The following VPS37A variants were observed in gnomAD, a reference collection of about 807,000 sequenced individuals.
VPS37A encodes vacuolar protein sorting-associated protein 37A.
In VPS37A, 30 loss-of-function variants were observed where a neutral mutation model predicts 49.8. The observed-to-expected ratio is 0.60, with a 90% confidence interval of 0.45 to 0.82. The LOEUF is 0.82. Ranked by LOEUF, VPS37A falls within the 40% of genes least tolerant of loss-of-function variation. VPS37A has a pLI of 0.00. For synonymous variants in VPS37A, 195 were observed against 160.6 expected (o/e 1.21, Z -1.62); for missense variants, 593 against 464.4 (o/e 1.28, Z -2.55).
intron 10 of VPS37A, among the ~76,000 whole-genome samples, chr8:17,285,687 G>A (rs944951192): frequency 7.2e-5 from 11 of 152,100 alleles, no homozygotes; most frequent in Admixed American, 5.9e-4. Context: ...CTTACTTATG[G>A]TTATAGTGTT....
chr8:17,302,703 A>ACC (rs35520166), downstream of VPS37A, among the ~76,000 whole-genome samples: 244 of 10,354 alleles, frequency 0.024, 41 homozygotes, highest in Non-Finnish European at 0.056. Flanking sequence ...ATTGGCAATA[A>ACC]CCCCCCCCCC....
intron 1 of VPS37A, among the ~76,000 whole-genome samples, chr8:17,253,236 C>T (rs571277850): frequency 1.3e-5 from 2 of 152,200 alleles, no homozygotes; most frequent in Admixed American, 6.5e-5. Flanking sequence ...TCACCTAAGC[C>T]GAAAACCTGT....
the VPS37A span, among the ~76,000 whole-genome samples, chr8:17,328,574 G>A: frequency 1.3e-5 from 2 of 152,086 alleles, no homozygotes; most frequent in East Asian, 1.9e-4. Context: ...TGGCGGGGGT[G>A]GGGGAGTGGA....
chr8:17,328,578 G>A, the VPS37A span, among the ~76,000 whole-genome samples: 1 of 152,108 alleles, frequency 6.6e-6, no homozygotes, highest in Non-Finnish European at 1.5e-5. Context: ...GGGGGTGGGG[G>A]AGTGGAGGGA....
chr8:17,302,443 G>GT (rs897122681), downstream of VPS37A: 93 of 720,332 alleles, frequency 1.3e-4, no homozygotes, highest in Non-Finnish European at 1.7e-4. Flanking sequence ...TCATGTTGAT[G>GT]TTTTTTTTCT....
chr8:17,287,910 A>G (rs1024354314), intron 11 of VPS37A, among the ~76,000 whole-genome samples: 8 of 152,102 alleles, frequency 5.3e-5, no homozygotes, highest in Non-Finnish European at 1.2e-4. Context: ...GGAGTGGATT[A>G]TGAGAAGAGA....
chr8:17,300,291 T>C (rs985463558), downstream of VPS37A: 12 of 1,478,692 alleles, frequency 8.1e-6, no homozygotes, highest in East Asian at 2.1e-4. Flanking sequence ...TATATGCATG[T>C]CTTTAGCATT....
chr8:17,316,603 G>A, the VPS37A span, among the ~76,000 whole-genome samples: 97 of 151,938 alleles, frequency 6.4e-4, no homozygotes, highest in African/African-American at 2.3e-3. Flanking sequence ...TGTATTCTCG[G>A]GTTCCACATC....
intron 1 of VPS37A, chr8:17,247,990 A>T (rs1053339039): frequency 9.0e-6 from 5 of 552,636 alleles, no homozygotes; most frequent in Non-Finnish European, 1.6e-5. Flanking sequence ...CTCAAGAATT[A>T]CTTTATGTTC....
At chr8:17,302,760 C>A (rs1164253239), downstream of VPS37A, among the ~76,000 whole-genome samples, 3 of 131,598 alleles carry the variant, frequency 2.3e-5, no homozygotes, top group African/African-American at 8.2e-5. Context: ...TCACCCAAAC[C>A]GAAGTGCAGT....
intron 11 of VPS37A, among the ~76,000 whole-genome samples, chr8:17,286,838 C>T (rs998528297): frequency 2.0e-5 from 3 of 152,150 alleles, no homozygotes; most frequent in Non-Finnish European, 4.4e-5. Context: ...TCTAATAATT[C>T]ACCTGTCCCC....
At chr8:17,255,462 CGA>C (rs1005254680) in intron 1 of VPS37A, among the ~76,000 whole-genome samples, 15 of 151,782 alleles carry the variant, frequency 9.9e-5, no homozygotes, top group African/African-American at 3.1e-4. Flanking sequence ...GCCTGGGCAA[CGA>C]GAGTGAGACT....
downstream of VPS37A, chr8:17,299,545 C>G: frequency 4.1e-6 from 1 of 242,086 alleles, no homozygotes; most frequent in Non-Finnish European, 8.0e-6. Flanking sequence ...GAGATGCATG[C>G]TATGACAAGG....
At chr8:17,310,723 G>A in the VPS37A span, among the ~76,000 whole-genome samples, 13 of 152,290 alleles carry the variant, frequency 8.5e-5, no homozygotes. Flanking sequence ...GTCCGAGGGT[G>A]TTGCTGATAT....
the VPS37A span, among the ~76,000 whole-genome samples, chr8:17,320,155 A>G: frequency 6.6e-6 from 1 of 151,988 alleles, no homozygotes; most frequent in Non-Finnish European, 1.5e-5. Flanking sequence ...TACATAACAT[A>G]TGAGATTTTC....
chr8:17,302,429 A>T (rs913864810), downstream of VPS37A: 8 of 793,930 alleles, frequency 1.0e-5, no homozygotes, highest in African/African-American at 1.4e-4. Context: ...TTAAGGTAAT[A>T]ATTTCATGTT....
At chr8:17,306,889 A>C (rs1300524204), downstream of VPS37A, among the ~76,000 whole-genome samples, 4 of 150,872 alleles carry the variant, frequency 2.7e-5, no homozygotes, top group Admixed American at 2.7e-4. Flanking sequence ...AAATTAATTC[A>C]AGATGGATTA....
the VPS37A span, among the ~76,000 whole-genome samples, chr8:17,313,770 G>GA: frequency 6.6e-5 from 10 of 152,126 alleles, no homozygotes; most frequent in African/African-American, 2.4e-4. Flanking sequence ...AGTGCTATGA[G>GA]GAAAAAAATC....
intron 11 of VPS37A, among the ~76,000 whole-genome samples, chr8:17,289,470 C>G (rs1815934098): frequency 1.3e-5 from 2 of 152,038 alleles, no homozygotes; most frequent in African/African-American, 2.4e-5. Flanking sequence ...AATCCTTCCC[C>G]CATTGCTTTT....
Sources: gnomAD v4.1 joint callset for allele counts (sites outside exome capture counted in the v4.1 genomes callset) on GRCh38, gnomAD v4.1.1 for gene constraint, MANE v1.5 for transcripts, NCBI Gene and HGNC (gene_info 2026-07-23, HGNC 2026-07-21) for gene names.